COL19A1: variants seen among roughly 807,000 people sequenced by gnomAD.
COL19A1 encodes the protein collagen alpha-1(XIX) chain.
A neutral mutation model predicts 190.2 loss-of-function variants in COL19A1; 159 were observed. The ratio of observed to expected loss-of-function variants is 0.84; its 90% CI spans 0.73 to 0.95. COL19A1 has a LOEUF of 0.95. COL19A1 is among the 40% of genes least tolerant of loss of function. The pLI is 0.00. For synonymous variants in COL19A1, 509 were observed against 458.9 expected (o/e 1.11, Z -1.39); for missense variants, 1,418 against 1,431.9 (o/e 0.99, Z 0.16).
chr6:69,995,604 C>T (rs969798534), intron 11 of COL19A1, among the ~76,000 whole-genome samples: 7 of 151,644 alleles, frequency 4.6e-5, no homozygotes, highest in African/African-American at 1.7e-4. Flanking sequence ...TCTGGAATTC[C>T]AACAACCATC....
intron 6 of COL19A1, among the ~76,000 whole-genome samples, chr6:69,929,998 A>G (rs532173256): frequency 6.6e-6 from 1 of 152,314 alleles, no homozygotes; most frequent in South Asian, 2.1e-4. Flanking sequence ...TATGATACAA[A>G]ATATAAACTT....
rs1562228045 is a variant in COL19A1, at chr6:70,156,318, T to C, written c.2187T>C (p.Gly729=). The part of the protein sequence containing the change: ...PGKYDSMARK[G]DIGPRGPPGI... ...TCTGTTCTTCCTCTGTCTTCTAGGG[T>C]GATATAGGGCCACGGGGTCCTCCAG... The change falls in exon 33 of 51, where the codon GGT becomes GGC. Residue 729 remains glycine, a splice_region_variant and synonymous_variant. Coordinates refer to ENST00000620364, the MANE Select transcript of COL19A1 (RefSeq NM_001858.6). 6.2e-7 allele frequency: 1 copy of C among 1,613,186 alleles called. No individual in the cohort carries two copies. Among genetic ancestry groups the C allele is most frequent in the East Asian group, 2.2e-5 (1 of 44,832 alleles).
intron 49 of COL19A1, among the ~76,000 whole-genome samples, chr6:70,205,753 G>A (rs1260421860): frequency 1.3e-5 from 2 of 152,208 alleles, no homozygotes; most frequent in African/African-American, 4.8e-5. Flanking sequence ...GACTTCCAGA[G>A]ACACAAATTT....
Position 70,055,781 on chromosome 6 carries a change from T to TAA in COL19A1, c.1171-12619_1171-12618dup, listed in dbSNP as rs55871207. 6.1e-3 allele frequency among the ~76,000 whole-genome samples: 715 copies of TAA among 117,410 alleles called. 5 individuals carry two copies. The highest frequency in any genetic ancestry group is 8.7e-3 in the Non-Finnish European group (518 of 59,236). The allele number at this position is 117,410 out of a possible 152,430, so 77.0% of individuals were successfully genotyped here. ...TGGGAGACAGAGCAAAACTCTGTAT[T>TAA]AAAAAAAAAAAAAAAAAAAAAAAAT... On this transcript the variant is annotated intron_variant, in intron 14 of 50. Coordinates refer to ENST00000620364, the MANE Select transcript of COL19A1 (RefSeq NM_001858.6).
At chr6:69,898,431 A>G (rs1472847589) in intron 2 of COL19A1, among the ~76,000 whole-genome samples, 1 of 152,116 alleles carries the variant, frequency 6.6e-6, no homozygotes, top group African/African-American at 2.4e-5. Context: ...ACACTTTCTC[A>G]ATGATTTTAT....
chr6:70,161,012 T>C (rs1211819009), intron 34 of COL19A1, among the ~76,000 whole-genome samples: 1 of 152,162 alleles, frequency 6.6e-6, no homozygotes, highest in Non-Finnish European at 1.5e-5. Flanking sequence ...ACTAATTACA[T>C]AAGTTAGCTA....
intron 11 of COL19A1, among the ~76,000 whole-genome samples, chr6:70,004,860 T>C (rs2150087903): frequency 6.6e-6 from 1 of 151,912 alleles, no homozygotes; most frequent in African/African-American, 2.4e-5. Flanking sequence ...GACGGAGTCT[T>C]GCTCTGTTGC....
chr6:70,026,614 A>T (rs1778744663), intron 12 of COL19A1, among the ~76,000 whole-genome samples: 1 of 151,630 alleles, frequency 6.6e-6, no homozygotes, highest in Non-Finnish European at 1.5e-5. Context: ...AAAAGTAGTA[A>T]GAGTTCTCCT....
At chr6:69,964,871 C>T (rs1186818117) in intron 11 of COL19A1, among the ~76,000 whole-genome samples, 1 of 152,098 alleles carries the variant, frequency 6.6e-6, no homozygotes, top group African/African-American at 2.4e-5. Flanking sequence ...TTACACCAAC[C>T]AAGTAAAAAT....
intron 15 of COL19A1, among the ~76,000 whole-genome samples, chr6:70,081,399 AAC>A (rs1232155102): frequency 2.6e-5 from 4 of 152,218 alleles, no homozygotes; most frequent in Non-Finnish European, 5.9e-5. Context: ...TTCTAGCATT[AAC>A]ACACACAGAA....
chr6:70,142,212 A>T (rs547271034), intron 22 of COL19A1, 136 bp downstream of exon 22: 3 of 774,154 alleles, frequency 3.9e-6, no homozygotes, highest in Admixed American at 5.3e-5. Context: ...TTCCATGGTG[A>T]TTTTCCCCAC....
At chr6:69,874,132 G>A (rs1440697404) in intron 1 of COL19A1, among the ~76,000 whole-genome samples, 1 of 152,126 alleles carries the variant, frequency 6.6e-6, no homozygotes, top group Non-Finnish European at 1.5e-5. Context: ...GAGAAATCCA[G>A]GGAAGGTACC....
intron 11 of COL19A1, among the ~76,000 whole-genome samples, chr6:69,986,262 C>CATAT (rs1776313428): frequency 6.9e-6 from 1 of 145,372 alleles, no homozygotes; most frequent in South Asian, 2.2e-4. Flanking sequence ...TACACACACA[C>CATAT]ATATATATAT....
intron 11 of COL19A1, among the ~76,000 whole-genome samples, chr6:70,003,370 T>C (rs560189851): frequency 6.6e-6 from 1 of 152,346 alleles, no homozygotes; most frequent in East Asian, 1.9e-4. Flanking sequence ...GGGAGTTCTG[T>C]AGATATCTAT....
intron 15 of COL19A1, among the ~76,000 whole-genome samples, chr6:70,070,493 C>G (rs2150152765): frequency 6.6e-6 from 1 of 152,160 alleles, no homozygotes; most frequent in Non-Finnish European, 1.5e-5. Context: ...CTGCTCTTTC[C>G]CAAATGCCCT....
chr6:70,016,366 TAAAAAA>T (rs752043571), intron 11 of COL19A1, among the ~76,000 whole-genome samples: 3 of 37,646 alleles, frequency 8.0e-5, no homozygotes, highest in South Asian at 8.2e-4. Context: ...TAGAGTATAA[TAAAAAA>T]AAAAAAAAAA....
chr6:70,163,053 C>T (rs1467525248), intron 35 of COL19A1, among the ~76,000 whole-genome samples: 1 of 152,022 alleles, frequency 6.6e-6, no homozygotes, highest in African/African-American at 2.4e-5. Context: ...ATGTAAATTG[C>T]CATTTAAACA....
At chr6:70,056,510 T>A (rs1052024122) in intron 14 of COL19A1, among the ~76,000 whole-genome samples, 1 of 152,126 alleles carries the variant, frequency 6.6e-6, no homozygotes, top group African/African-American at 2.4e-5. Flanking sequence ...TACACTTACC[T>A]CTCCTCCTTC....
intron 11 of COL19A1, among the ~76,000 whole-genome samples, chr6:69,995,931 A>G (rs1227189792): frequency 6.6e-6 from 1 of 152,168 alleles, no homozygotes; most frequent in Non-Finnish European, 1.5e-5. Flanking sequence ...GCCCTAATTC[A>G]TTTAGTTGAA....
Sources: gnomAD v4.1 joint callset for allele counts (sites outside exome capture counted in the v4.1 genomes callset) on GRCh38, gnomAD v4.1.1 for gene constraint, MANE v1.5 for transcripts, NCBI Gene and HGNC (gene_info 2026-07-23, HGNC 2026-07-21) for gene names.